The following LYPD6B variants were observed in gnomAD, a reference collection of about 807,000 sequenced individuals.
LYPD6B encodes the protein LY6/PLAUR domain containing 6B.
LYPD6B carries 17 observed loss-of-function variants against 22.8 expected under a neutral mutation model. The observed-to-expected ratio is 0.75, with a 90% confidence interval of 0.51 to 1.12. The LOEUF is 1.12. LYPD6B is among the 50% of genes most tolerant of loss of function. LYPD6B has a pLI of 0.00. For synonymous variants in LYPD6B, 106 were observed against 91.6 expected, an observed-to-expected ratio of 1.16 and a Z score of -0.90; for missense variants, 221 against 258.3, an observed-to-expected ratio of 0.86 and a Z score of 0.99.
intron 3 of LYPD6B, among the ~76,000 whole-genome samples, chr2:149,196,593 G>A (rs1010631298): frequency 6.6e-6 from 1 of 152,154 alleles, no homozygotes; most frequent in Non-Finnish European, 1.5e-5. Context: ...TAACCATGTG[G>A]GTGCTGAAGG....
At chr2:149,096,881 G>A (rs951942456) in intron 1 of LYPD6B, among the ~76,000 whole-genome samples, 3 of 152,080 alleles carry the variant, frequency 2.0e-5, no homozygotes, top group South Asian at 4.2e-4. Context: ...CTGGCCCAAC[G>A]GAAATAATTT....
intron 2 of LYPD6B, among the ~76,000 whole-genome samples, chr2:149,137,275 G>A (rs1409297514): frequency 6.6e-6 from 1 of 152,164 alleles, no homozygotes; most frequent in Non-Finnish European, 1.5e-5. Flanking sequence ...CCACTTAAGT[G>A]TGTTCCAAAG....
At chr2:149,115,268 A>C (rs1475650876) in intron 1 of LYPD6B, among the ~76,000 whole-genome samples, 6 of 152,194 alleles carry the variant, frequency 3.9e-5, no homozygotes, top group Non-Finnish European at 8.8e-5. Flanking sequence ...ATTACCACTA[A>C]TTAGATAAGT....
Position 149,130,022 on chromosome 2 carries a change from T to C in LYPD6B, c.-66-861T>C, listed in dbSNP as rs73017026. Among the ~76,000 whole-genome samples the C allele has an allele frequency of 1.3e-3, 191 of 152,318 alleles. 1 individual carries two copies. Among genetic ancestry groups the C allele is most frequent in the African/African-American group, 4.3e-3 (180 of 41,580 alleles). On this transcript the variant is annotated intron_variant, in intron 1 of 6. Transcript: ENST00000409642. The stretch of plus-strand genomic sequence containing the variant: ...GGGTACTGCAGGCTTTGTGCTCCAG[T>C]TAAGTGGGTACACCCGCCTCTTTCT...
chr2:149,214,922 G>A lies in LYPD6B; in HGVS notation c.*212G>A, dbSNP rs984891688. 3 of 571,976 alleles carry A rather than the reference G, an allele frequency of 5.2e-6. No individual in the cohort carries two copies. Among genetic ancestry groups the A allele is most frequent in the Non-Finnish European group, 9.3e-6 (3 of 322,278 alleles). The allele number at this position is 571,976 out of a possible 1,614,324, so 35.4% of individuals were successfully genotyped here. ...GAATTTGGCAGGGCCTGAGAAGATG[G>A]TCTGACTTCCAGGCTTCCTGGTCAA... On this transcript the variant is annotated 3_prime_UTR_variant, in exon 7 of 7. Coordinates refer to ENST00000409642, the MANE Select transcript of LYPD6B (RefSeq NM_177964.5).
At chr2:149,104,302 G>T (rs1310756086) in intron 1 of LYPD6B, among the ~76,000 whole-genome samples, 1 of 152,168 alleles carries the variant, frequency 6.6e-6, no homozygotes, top group Admixed American at 6.5e-5. Flanking sequence ...TTTGGTAGTT[G>T]TGTAGACAGT....
chr2:149,136,633 A>C (rs1008933651), intron 2 of LYPD6B, among the ~76,000 whole-genome samples: 1 of 152,256 alleles, frequency 6.6e-6, no homozygotes, highest in Non-Finnish European at 1.5e-5. Flanking sequence ...CCCAATAGAA[A>C]ACAAATTGTA....
At chr2:149,124,499 C>T (rs1185278640) in intron 1 of LYPD6B, among the ~76,000 whole-genome samples, 2 of 152,148 alleles carry the variant, frequency 1.3e-5, no homozygotes, top group Non-Finnish European at 2.9e-5. Context: ...AACAGGTGTG[C>T]ATGCTGGAGT....
chr2:149,186,307 G>C (rs1287867623), intron 3 of LYPD6B, among the ~76,000 whole-genome samples: 4 of 152,192 alleles, frequency 2.6e-5, no homozygotes, highest in Non-Finnish European at 5.9e-5. Flanking sequence ...GAAAAAGTGT[G>C]AGTGGTCTGG....
chr2:149,186,373 A>C (rs1029310493), intron 3 of LYPD6B, among the ~76,000 whole-genome samples: 2 of 152,244 alleles, frequency 1.3e-5, no homozygotes, highest in Non-Finnish European at 2.9e-5. Flanking sequence ...ATCCAGAGCA[A>C]GGCCCTAGCT....
intron 1 of LYPD6B, among the ~76,000 whole-genome samples, chr2:149,056,057 A>G (rs1468379276): frequency 1.3e-5 from 2 of 152,226 alleles, no homozygotes; most frequent in East Asian, 3.8e-4. Flanking sequence ...CTCCTAGGGA[A>G]TATTTCCTTT....
intron 2 of LYPD6B, among the ~76,000 whole-genome samples, chr2:149,139,974 C>T (rs1030334746): frequency 1.3e-5 from 2 of 152,168 alleles, no homozygotes; most frequent in African/African-American, 4.8e-5. Flanking sequence ...AGAAGACTCA[C>T]CTCTTTTTAA....
intron 2 of LYPD6B, among the ~76,000 whole-genome samples, chr2:149,132,887 C>A (rs1688120132): frequency 2.0e-5 from 3 of 152,288 alleles, no homozygotes; most frequent in Non-Finnish European, 4.4e-5. Context: ...TATTTATTTA[C>A]TTATTTAAAA....
chr2:149,102,907 A>C (rs1391142499), intron 1 of LYPD6B, among the ~76,000 whole-genome samples: 2 of 152,176 alleles, frequency 1.3e-5, no homozygotes, highest in Non-Finnish European at 2.9e-5. Flanking sequence ...CACCATGCCC[A>C]GCCAAGGAAG....
intron 3 of LYPD6B, among the ~76,000 whole-genome samples, chr2:149,167,464 G>A (rs1013980849): frequency 6.6e-6 from 1 of 152,166 alleles, no homozygotes. Context: ...TTTGCCTTTG[G>A]CTTTTGCTAA....
chr2:149,081,788 A>AT (rs958595186), intron 1 of LYPD6B, among the ~76,000 whole-genome samples: 2 of 152,112 alleles, frequency 1.3e-5, no homozygotes, highest in African/African-American at 2.4e-5. Flanking sequence ...AACACATTTA[A>AT]TTTTTTTTAG....
chr2:149,115,068 G>A (rs534369796), intron 1 of LYPD6B, among the ~76,000 whole-genome samples: 58 of 152,014 alleles, frequency 3.8e-4, no homozygotes, highest in Non-Finnish European at 7.1e-4. Flanking sequence ...CCTCCCAAGC[G>A]TCTGGGATTA....
chr2:149,047,863 A>G (rs928630121), intron 1 of LYPD6B, among the ~76,000 whole-genome samples: 1 of 151,946 alleles, frequency 6.6e-6, no homozygotes, highest in Non-Finnish European at 1.5e-5. Context: ...ATTTCTACTG[A>G]TCTATTTTCA....
chr2:149,175,057 C>T (rs142875067), intron 3 of LYPD6B, among the ~76,000 whole-genome samples: 10 of 127,386 alleles, frequency 7.9e-5, no homozygotes, highest in Non-Finnish European at 1.5e-4. Context: ...CTCTCTCTCT[C>T]TCTCTGTGTG....
Sources: allele counts gnomAD v4.1 joint callset (sites outside exome capture counted in the v4.1 genomes callset), GRCh38; gene constraint gnomAD v4.1.1; transcripts MANE v1.5; gene names NCBI Gene and HGNC (gene_info 2026-07-23, HGNC 2026-07-21).